The following BTBD16 variants were observed in gnomAD, a reference collection of about 807,000 sequenced individuals.
BTBD16 encodes the protein BTB/POZ domain-containing protein 16.
A neutral mutation model predicts 67.4 loss-of-function variants in BTBD16; 66 were observed. That is an observed-to-expected ratio of 0.98 (90% CI 0.80 to 1.20). BTBD16 has a LOEUF of 1.20. BTBD16 is among the 50% of genes most tolerant of loss of function. BTBD16 has a pLI of 0.00. For missense variants in BTBD16, 634 were observed against 616.0 expected (o/e 1.03, Z -0.31); for synonymous variants, 242 against 236.4 (o/e 1.02, Z -0.22).
chr10:122,320,517 T>C (rs896295439), intron 10 of BTBD16, among the ~76,000 whole-genome samples: 3 of 152,148 alleles, frequency 2.0e-5, no homozygotes, highest in African/African-American at 4.8e-5. Context: ...GTGCTATAAA[T>C]TTCCCTCTAA....
chr10:122,280,086 C>T (rs2096349590), intron 3 of BTBD16, among the ~76,000 whole-genome samples: 1 of 152,136 alleles, frequency 6.6e-6, no homozygotes. Context: ...GGCTCTGGGG[C>T]ACCGAGTGTG....
intron 9 of BTBD16, among the ~76,000 whole-genome samples, chr10:122,303,329 A>G (rs2096397581): frequency 6.6e-6 from 1 of 152,246 alleles, no homozygotes; most frequent in African/African-American, 2.4e-5. Flanking sequence ...TAAAAGATTT[A>G]AACTTGAAAT....
rs757265798 is a variant in BTBD16 at position 122,331,266 on chromosome 10, G to A, written c.1086+8G>A. ...GTCAACCATTACCACGCAGTGAGTT[G>A]CCTGCTCTGCAAGGACACAGTTGTC... On this transcript the variant is annotated splice_region_variant and intron_variant, in intron 12 of 15. Coordinates refer to ENST00000260723, the MANE Select transcript of BTBD16 (RefSeq NM_144587.5). 3.1e-6 allele frequency: 5 copies of A among 1,610,946 alleles called. No individual in the cohort carries two copies. In the South Asian group the frequency reaches 5.6e-5, roughly 18 times the overall value.
rs1260524875 is a variant in BTBD16, at chr10:122,286,210, C to A, written c.347C>A (p.Thr116Asn). The A allele has an allele frequency of 1.2e-6, 2 of 1,613,570 alleles. No homozygotes were observed. Among genetic ancestry groups the A allele is most frequent in the Admixed American group, 1.7e-5 (1 of 60,010 alleles). Residue 116 changes from threonine (T) to asparagine (N), a missense_variant, in exon 5 of 16, where the codon ACC (threonine) becomes AAC (asparagine). By Grantham distance (65) the Thr-to-Asn change is moderately conservative. Transcript: ENST00000260723. ...TACCTGAAAGCCCTGGCGCAGGGCA[C>A]CACACACCCCCTGAGGGAGCTGGAG... The part of the protein sequence containing the change: ...KLYLKALAQG[T>N]THPLRELEEL...
At chr10:122,275,837 CTG>C (rs2096339400) in intron 2 of BTBD16, among the ~76,000 whole-genome samples, 1 of 152,168 alleles carries the variant, frequency 6.6e-6, no homozygotes, top group Non-Finnish European at 1.5e-5. Context: ...ATGTCTAAGA[CTG>C]AGCAGTTCTG....
chr10:122,274,946 T>C, intron 1 of BTBD16, 94 bp from the exon 2 acceptor site: 1 of 778,230 alleles, frequency 1.3e-6, no homozygotes, highest in Non-Finnish European at 2.2e-6. Context: ...TTCATTATTG[T>C]TCCTGTGGCA....
At chr10:122,329,602 G>C (rs41297155) in intron 11 of BTBD16, 31 bp downstream of exon 11, 2 of 1,599,072 alleles carry the variant, frequency 1.3e-6, no homozygotes, top group Non-Finnish European at 8.5e-7. Flanking sequence ...GCGCATCCAC[G>C]GGAAAGCTGC....
chr10:122,301,733 C>T (rs952022241), intron 9 of BTBD16, among the ~76,000 whole-genome samples: 1 of 152,170 alleles, frequency 6.6e-6, no homozygotes, highest in Non-Finnish European at 1.5e-5. Flanking sequence ...TCAGAATGCA[C>T]CTTTCTCCAA....
intron 7 of BTBD16, among the ~76,000 whole-genome samples, chr10:122,293,637 G>C (rs2096377934): frequency 6.6e-6 from 1 of 152,222 alleles, no homozygotes; most frequent in Non-Finnish European, 1.5e-5. Flanking sequence ...GGGGTGAAAA[G>C]TCCAGGTTTT....
intron 9 of BTBD16, among the ~76,000 whole-genome samples, chr10:122,305,132 C>T (rs1228078139): frequency 6.6e-6 from 1 of 152,204 alleles, no homozygotes; most frequent in Non-Finnish European, 1.5e-5. Context: ...GAACTAAGGT[C>T]AGTAATCAGC....
intron 10 of BTBD16, among the ~76,000 whole-genome samples, chr10:122,309,834 C>T (rs956489660): frequency 9.5e-5 from 14 of 147,972 alleles, no homozygotes; most frequent in African/African-American, 2.3e-4. Context: ...TGCAATGGCA[C>T]GATCTCGGCT....
At chr10:122,286,616 A>C (rs1414773815) in intron 5 of BTBD16, among the ~76,000 whole-genome samples, 1 of 152,062 alleles carries the variant, frequency 6.6e-6, no homozygotes, top group African/African-American at 2.4e-5. Context: ...GCTATGTGGA[A>C]TTTTCTGAAG....
chr10:122,318,540 A>G (rs2142112884), intron 10 of BTBD16, among the ~76,000 whole-genome samples: 1 of 152,256 alleles, frequency 6.6e-6, no homozygotes, highest in South Asian at 2.1e-4. Context: ...TGTATGTTTA[A>G]CTTTTTAAGA....
At chr10:122,306,582 G>C (rs2096404086) in intron 9 of BTBD16, among the ~76,000 whole-genome samples, 1 of 152,188 alleles carries the variant, frequency 6.6e-6, no homozygotes, top group Non-Finnish European at 1.5e-5. Context: ...GCCCAGAATT[G>C]TGTGACCTTG....
chr10:122,285,002 T>A (rs1027764988), intron 4 of BTBD16, among the ~76,000 whole-genome samples: 3 of 152,120 alleles, frequency 2.0e-5, no homozygotes, highest in South Asian at 2.1e-4. Flanking sequence ...CCTAAGGCAA[T>A]GTAATATTTG....
intron 10 of BTBD16, among the ~76,000 whole-genome samples, chr10:122,316,423 C>T (rs1017066995): frequency 6.6e-6 from 1 of 152,192 alleles, no homozygotes; most frequent in Non-Finnish European, 1.5e-5. Context: ...CACTGAACAA[C>T]TAGGATGTGT....
intron 1 of BTBD16, among the ~76,000 whole-genome samples, chr10:122,273,784 A>G (rs2096334470): frequency 6.6e-6 from 1 of 152,150 alleles, no homozygotes; most frequent in African/African-American, 2.4e-5. Context: ...GCTATGTTAA[A>G]TTTTTCTTTC....
rs1358741486 is a variant in BTBD16, at chr10:122,299,006, C to T, written c.663C>T (p.Tyr221=). 1 of 1,613,558 alleles carries T rather than the reference C, an allele frequency of 6.2e-7. No individual in the cohort carries two copies. The highest frequency in any genetic ancestry group is 1.1e-5 in the South Asian group (1 of 91,034). Reference sequence around the variant, plus strand: ...CAACTGGCTTTTTTTTGTCTTAGTACAAGGAAGAGCAGCTCACCACCGGCT... The same window carrying T: ...CAACTGGCTTTTTTTTGTCTTAGTATAAGGAAGAGCAGCTCACCACCGGCT... ...IKKFYEAGCK[Y]KEEQLTTGCE... is the part of the protein sequence containing the mutation. The change falls in exon 9 of 16, where the codon TAC becomes TAT. Residue 221 remains tyrosine, a splice_region_variant and synonymous_variant. Coordinates refer to ENST00000260723, the MANE Select transcript of BTBD16 (RefSeq NM_144587.5).
intron 4 of BTBD16, 29 bp from the exon 5 acceptor site, chr10:122,286,076 G>C (rs758256067): frequency 4.4e-6 from 7 of 1,602,990 alleles, no homozygotes; most frequent in Non-Finnish European, 5.1e-6. Context: ...TTACTGATGT[G>C]TTTGCTCAGC....
Sources: allele counts gnomAD v4.1 joint callset (sites outside exome capture counted in the v4.1 genomes callset), GRCh38; gene constraint gnomAD v4.1.1; transcripts MANE v1.5; gene names NCBI Gene and HGNC (gene_info 2026-07-23, HGNC 2026-07-21).